CFAP47: variants seen among roughly 807,000 people sequenced by gnomAD.
The protein encoded by CFAP47 is cilia- and flagella-associated protein 47.
A neutral mutation model predicts 148.1 loss-of-function variants in CFAP47; 29 were observed. The observed-to-expected ratio is 0.20, with a 90% CI of 0.15 to 0.27. The LOEUF is 0.27. Ranked by LOEUF, CFAP47 falls within the 10% of genes least tolerant of loss-of-function variation. The pLI is 1.00. For synonymous variants in CFAP47, 664 were observed against 577.3 expected (o/e 1.15, Z -2.15); for missense variants, 1,872 against 1,697.5 (o/e 1.10, Z -1.81).
intron 2 of CFAP47, among the ~76,000 whole-genome samples, chrX:35,937,105 T>C (rs944529712): frequency 2.4e-5 from 1 of 42,434 alleles, no homozygotes; most frequent in African/African-American, 1.9e-4. Flanking sequence ...GCAATTGCTG[T>C]TTTTTTTTTT....
chrX:36,231,843 A>G (rs1940365925), intron 46 of CFAP47, among the ~76,000 whole-genome samples: 1 of 111,632 alleles, frequency 9.0e-6, no homozygotes, highest in African/African-American at 3.3e-5. Flanking sequence ...ATTTTGTCAA[A>G]GGCCTTTTCT....
At chrX:35,959,580 G>A (rs993942440) in intron 8 of CFAP47, among the ~76,000 whole-genome samples, 8 of 111,330 alleles carry the variant, frequency 7.2e-5, no homozygotes, top group Admixed American at 1.9e-4. Context: ...AGGCCGAGGC[G>A]GCTGGATCAT....
At chrX:35,990,117 A>T (rs1488592001) in intron 16 of CFAP47, 1 of 111,989 alleles carries the variant, frequency 8.9e-6, no homozygotes, top group East Asian at 2.8e-4. Flanking sequence ...ACATGAAGTG[A>T]TTAAATAAAA....
intron 3 of CFAP47, among the ~76,000 whole-genome samples, chrX:35,942,954 G>A (rs1183460010): frequency 9.0e-6 from 1 of 111,699 alleles, no homozygotes; most frequent in African/African-American, 3.2e-5. Context: ...ACTGTGAAAT[G>A]TTAATGGCTA....
At chrX:36,270,549 G>GTGTATATATA (rs1556001683) in intron 49 of CFAP47, among the ~76,000 whole-genome samples, 12 of 95,519 alleles carry the variant, frequency 1.3e-4, no homozygotes, top group African/African-American at 3.5e-4. Context: ...TTTAAAATTT[G>GTGTATATATA]TATATATATA....
At chrX:36,194,285 G>A (rs1044471637) in intron 42 of CFAP47, among the ~76,000 whole-genome samples, 1 of 111,138 alleles carries the variant, frequency 9.0e-6, no homozygotes, top group Non-Finnish European at 1.9e-5. Context: ...AGTTGTATTA[G>A]TCCATTCTTG....
At chrX:36,083,956 G>C (rs1479840438) in intron 29 of CFAP47, among the ~76,000 whole-genome samples, 1 of 110,235 alleles carries the variant, frequency 9.1e-6, no homozygotes, top group Non-Finnish European at 1.9e-5. Flanking sequence ...TGCATCATTA[G>C]TCTTGCAGGT....
chrX:36,253,575 T>C (rs1473242189), intron 49 of CFAP47, among the ~76,000 whole-genome samples: 1 of 111,550 alleles, frequency 9.0e-6, no homozygotes, highest in Non-Finnish European at 1.9e-5. Context: ...TGTACGCACG[T>C]GTGTTATGTA....
chrX:35,932,217 TTTTTCTTTCTTTCTTTTTTTCTTTTC>T (rs1166587916), intron 2 of CFAP47, among the ~76,000 whole-genome samples: 1 of 108,647 alleles, frequency 9.2e-6, no homozygotes, highest in African/African-American at 3.4e-5. Context: ...CCTGGCTAAT[TTTTTCTTTCTTTCTTTTTTTCTTTTC>T]TTTTCTTTCT....
intron 2 of CFAP47, among the ~76,000 whole-genome samples, chrX:35,930,738 A>T (rs1935814506): frequency 9.0e-6 from 1 of 111,022 alleles, no homozygotes; most frequent in Non-Finnish European, 1.9e-5. Flanking sequence ...GCTGTTAGAA[A>T]TTTTTTCTGA....
chrX:36,110,699 C>T (rs1938541485), intron 33 of CFAP47, among the ~76,000 whole-genome samples: 1 of 111,790 alleles, frequency 8.9e-6, no homozygotes, highest in African/African-American at 3.3e-5. Flanking sequence ...TGCTTTGGGT[C>T]ATATGGTCAT....
chrX:36,270,056 C>T (rs1556001603), intron 49 of CFAP47, among the ~76,000 whole-genome samples: 1 of 111,691 alleles, frequency 9.0e-6, no homozygotes, highest in Non-Finnish European at 1.9e-5. Context: ...TATCCATTTA[C>T]CTGTTGATAA....
chrX:35,924,170 T>TATGCGTACATGTATGTGTATATATGG lies in CFAP47; in HGVS notation c.250-1846_250-1845insTGCGTACATGTATGTGTATATATGGA, dbSNP rs1555946981. ...GTATGCGTACATATATGTATATATG[T>TATGCGTACATGTATGTGTATATATGG]ACATGTATGCGTACATGTATGTGTA... On this transcript the variant is annotated intron_variant, in intron 1 of 63. Coordinates refer to ENST00000378653, the MANE Select transcript of CFAP47 (RefSeq NM_001304548.2). Among the ~76,000 whole-genome samples the TATGCGTACATGTATGTGTATATATGG allele has an allele frequency of 9.9e-4, 88 of 88,736 alleles. 2 individuals are homozygous for TATGCGTACATGTATGTGTATATATGG. The highest frequency in any genetic ancestry group is 1.8e-3 in the African/African-American group (32 of 18,060). The allele number at this position is 88,736 out of a possible 115,157, so 77.1% of individuals were successfully genotyped here.
rs1939405166 is a variant in CFAP47, at chrX:36,159,472, C to A, written c.5833C>A (p.Pro1945Thr). The A allele has an allele frequency of 6.7e-6, 2 of 297,045 alleles. No homozygotes were observed. The highest frequency in any genetic ancestry group is 1.2e-5 in the Non-Finnish European group (2 of 169,988). The allele number at this position is 297,045 out of a possible 1,213,427, so 24.5% of individuals were successfully genotyped here. A position where few individuals can be genotyped will look rare whatever the true frequency, so the allele number is the denominator to read the frequency against. The part of the protein sequence containing the change: ...TLKFTSRFIR[P>T]AEASLLLISK... ...GAAATTCACCAGTCGCTTTATTCGT[C>A]CTGCTGAAGCTTCACTACTATTAAT... Residue 1945 changes from proline to threonine, a missense_variant, in exon 38 of 64, where the codon CCT (proline) becomes ACT (threonine). Coordinates refer to ENST00000378653, the MANE Select transcript of CFAP47 (RefSeq NM_001304548.2).
chrX:36,115,234 G>A (rs11095424), intron 33 of CFAP47, among the ~76,000 whole-genome samples: 10,665 of 110,780 alleles, frequency 0.096, 1,017 homozygotes, highest in African/African-American at 0.29. Flanking sequence ...CTCTCCCATA[G>A]TAATTTAAGT....
intron 49 of CFAP47, among the ~76,000 whole-genome samples, chrX:36,273,049 G>A (rs1226448305): frequency 1.8e-5 from 2 of 111,032 alleles, no homozygotes; most frequent in Non-Finnish European, 3.8e-5. Flanking sequence ...GGCCCAGTGA[G>A]TAATTAACTC....
At chrX:36,359,376 T>A (rs957183416) in intron 60 of CFAP47, among the ~76,000 whole-genome samples, 4 of 112,027 alleles carry the variant, frequency 3.6e-5, no homozygotes, top group Non-Finnish European at 7.5e-5. Flanking sequence ...TTTCAGCTGA[T>A]AAGAACTTCA....
chrX:36,295,052 A>G (rs1007216152), intron 51 of CFAP47, among the ~76,000 whole-genome samples: 8 of 112,054 alleles, frequency 7.1e-5, no homozygotes, highest in African/African-American at 2.6e-4. Flanking sequence ...CAATTTCTTT[A>G]AACAGCCATT....
In CFAP47 at chrX:36,230,617, A is replaced by T. The variant is rs782290975; in HGVS notation, c.7014+1793A>T. On this transcript the variant is annotated intron_variant, in intron 46 of 63. Coordinates refer to ENST00000378653, the MANE Select transcript of CFAP47 (RefSeq NM_001304548.2). Reference sequence around the variant, plus strand: ...TGTGCAGAAGCTCTTGAGCTTAATTAGATCCCATTTGTCAATTTTGGCTTT... The same window carrying T: ...TGTGCAGAAGCTCTTGAGCTTAATTTGATCCCATTTGTCAATTTTGGCTTT... Among the ~76,000 whole-genome samples, 839 of 109,424 alleles carry T rather than the reference A, an allele frequency of 7.7e-3. 7 individuals are homozygous for T. Among genetic ancestry groups the T allele is most frequent in the South Asian group, 0.014 (36 of 2,533 alleles).
Sources: gnomAD v4.1 joint callset for allele counts (sites outside exome capture counted in the v4.1 genomes callset) on GRCh38, gnomAD v4.1.1 for gene constraint, MANE v1.5 for transcripts, NCBI Gene and HGNC (gene_info 2026-07-23, HGNC 2026-07-21) for gene names.